Variants in SHTN1 observed in about 807,000 individuals in gnomAD.
SHTN1 encodes shootin-1.
SHTN1 carries 42 observed loss-of-function variants against 83.1 expected under a neutral mutation model. The ratio of observed to expected loss-of-function variants is 0.51; its 90% confidence interval spans 0.39 to 0.65. The LOEUF is 0.65. Among genes scored for constraint, SHTN1 ranks in the 30% least tolerant of loss-of-function variants. The pLI is 0.00. For synonymous variants in SHTN1, 224 were observed against 247.7 expected, an observed-to-expected ratio of 0.90 and a Z score of 0.90; for missense variants, 622 against 737.8, an observed-to-expected ratio of 0.84 and a Z score of 1.82.
chr10:117,102,006 G>GAA (rs200023481), intron 1 of SHTN1, among the ~76,000 whole-genome samples: 28 of 98,798 alleles, frequency 2.8e-4, no homozygotes, highest in African/African-American at 9.6e-4. Context: ...TGTGAGGACA[G>GAA]AAAAAAAAAA....
intron 1 of SHTN1, among the ~76,000 whole-genome samples, chr10:117,124,630 G>A (rs546000334): frequency 9.2e-5 from 14 of 152,158 alleles, no homozygotes; most frequent in African/African-American, 3.4e-4. Context: ...AGAATTAGCC[G>A]AGCGTGGTGG....
At chr10:116,927,662 C>T in intron 11 of SHTN1, 130 bp downstream of exon 11, 1 of 1,273,102 alleles carries the variant, frequency 7.9e-7, no homozygotes, top group South Asian at 1.9e-5. Context: ...AACCATATCA[C>T]TGGCCTTTAG....
chr10:116,986,792 G>T (rs924531460), intron 1 of SHTN1, among the ~76,000 whole-genome samples: 1 of 141,336 alleles, frequency 7.1e-6, no homozygotes, highest in Non-Finnish European at 1.5e-5. Context: ...AGTGCAGTGC[G>T]ATCTCGGCTC....
chr10:116,954,123 T>A lies in SHTN1; in HGVS notation c.355A>T (p.Ile119Phe). The A allele has an allele frequency of 6.2e-7, 1 of 1,613,986 alleles. No individual in the cohort carries two copies. Among genetic ancestry groups the A allele is most frequent in the Non-Finnish European group, 8.5e-7 (1 of 1,179,890 alleles). ...GPDVITEEIN[I>F]DDEDSTTDTD... ...TCTGTAGTCGAATCTTCATCATCAATGTTTATCTCTTCAGTTATTACATCT... is the reference window on the plus strand; with the variant it reads ...TCTGTAGTCGAATCTTCATCATCAAAGTTTATCTCTTCAGTTATTACATCT... Residue 119 changes from isoleucine to phenylalanine, a missense_variant, in exon 5 of 17, where the codon ATT becomes TTT. This residue lies in a region of SHTN1 where 383 missense variants were observed against 455.8 expected (regional missense o/e 0.84). Coordinates refer to ENST00000355371, the MANE Select transcript of SHTN1 (RefSeq NM_001127211.3).
In SHTN1 at chr10:116,940,487, C is replaced by T. The variant is rs765151349; in HGVS notation, c.837G>A (p.Glu279=). The part of the protein sequence containing the change: ...NAKLTQQLEE[E]RIQHQQKVKE... ...TTACCTTTTGTTGATGCTGAATTCTCTCTTCTTCAAGTTGCTGGGTGAGTT... is the reference window on the plus strand; with the variant it reads ...TTACCTTTTGTTGATGCTGAATTCTTTCTTCTTCAAGTTGCTGGGTGAGTT... The change falls in exon 9 of 17, where the codon GAG becomes GAA. Residue 279 remains glutamate, a synonymous_variant. Transcript: ENST00000355371. The T allele has an allele frequency of 6.2e-7, 1 of 1,613,676 alleles. No homozygotes were observed. The highest frequency in any genetic ancestry group is 1.3e-5 in the African/African-American group (1 of 74,900).
chr10:116,994,456 G>C (rs763396135), intron 1 of SHTN1, among the ~76,000 whole-genome samples: 28 of 151,944 alleles, frequency 1.8e-4, no homozygotes, highest in Non-Finnish European at 2.8e-4. Flanking sequence ...CTATAGTATT[G>C]ACAAGAGAAA....
At chr10:116,938,170 T>C (rs1849241287) in intron 9 of SHTN1, among the ~76,000 whole-genome samples, 1 of 152,040 alleles carries the variant, frequency 6.6e-6, no homozygotes, top group South Asian at 2.1e-4. Context: ...TTCTGTCAAT[T>C]TGTCAAACTC....
At chr10:117,011,452 A>G (rs1387909700) in intron 2 of SHTN1, among the ~76,000 whole-genome samples, 1 of 152,142 alleles carries the variant, frequency 6.6e-6, no homozygotes, top group Non-Finnish European at 1.5e-5. Flanking sequence ...TCTATTAGTC[A>G]ATATGTCTGT....
At chr10:116,886,727 G>A (rs1200922710) in intron 16 of SHTN1, among the ~76,000 whole-genome samples, 161 bp from the exon 17 acceptor site, 1 of 152,170 alleles carries the variant, frequency 6.6e-6, no homozygotes, top group African/African-American at 2.4e-5. Context: ...AAGAAAAAAT[G>A]AAGCTATCAG....
intron 7 of SHTN1, among the ~76,000 whole-genome samples, chr10:116,948,615 A>T (rs1849669188): frequency 6.6e-6 from 1 of 152,158 alleles, no homozygotes; most frequent in Admixed American, 6.5e-5. Flanking sequence ...ATAAATGCTG[A>T]GGGGAGAGCT....
At chr10:116,936,419 G>C (rs956069616) in intron 9 of SHTN1, among the ~76,000 whole-genome samples, 2 of 151,952 alleles carry the variant, frequency 1.3e-5, no homozygotes, top group African/African-American at 4.8e-5. Flanking sequence ...CCTTAATTTC[G>C]TTATTTACTC....
chr10:116,921,362 A>ACTTAACAAATATGTGAATTGCCC, intron 12 of SHTN1, 72 bp downstream of exon 12: 1 of 1,076,400 alleles, frequency 9.3e-7, no homozygotes, highest in Non-Finnish European at 1.4e-6. Context: ...TAGTCAAAGA[A>ACTTAACAAATATGTGAATTGCCC]CTTAACAAAT....
At chr10:116,993,516 T>C (rs1422887519) in intron 1 of SHTN1, among the ~76,000 whole-genome samples, 1 of 152,176 alleles carries the variant, frequency 6.6e-6, no homozygotes, top group Non-Finnish European at 1.5e-5. Flanking sequence ...AGTGTTAGTT[T>C]AGTAAAAACA....
rs1849890784 is a variant in SHTN1, at chr10:116,954,145, A to C, written c.333T>G (p.Asp111Glu). 6.2e-7 allele frequency: 1 copy of C among 1,613,622 alleles called. No homozygotes were observed. The highest frequency in any genetic ancestry group is 1.6e-4 in the Middle Eastern group (1 of 6,084). ...CAATGTTTATCTCTTCAGTTATTACATCTGGTCCCAGCTTGGCCATGTACA... is the reference window on the plus strand; with the variant it reads ...CAATGTTTATCTCTTCAGTTATTACCTCTGGTCCCAGCTTGGCCATGTACA... ...SMLYMAKLGP[D>E]VITEEINIDD... The change falls in exon 5 of 17, where the codon GAT becomes GAG. Residue 111 changes from aspartate to glutamate, a missense_variant. Asp to Glu is a conservative substitution (Grantham distance 45, BLOSUM62 2). Coordinates refer to ENST00000355371, the MANE Select transcript of SHTN1 (RefSeq NM_001127211.3).
In SHTN1 at chr10:116,973,739, A is replaced by G. The variant is rs116801784; in HGVS notation, c.112-5027T>C. The G allele has an allele frequency of 1.5e-3, 739 of 493,050 alleles. 4 individuals carry two copies. Among genetic ancestry groups the G allele is most frequent in the Middle Eastern group, 6.2e-3 (18 of 2,908 alleles). The allele number at this position is 493,050 out of a possible 1,614,324, so 30.5% of individuals were successfully genotyped here. ...GTACAGCAGAGCCTACAACGCCACT[A>G]AGTCTGAAGAAGTTTAATGCTACAC... On this transcript the variant is annotated intron_variant, in intron 2 of 16. Transcript: ENST00000355371.
intron 7 of SHTN1, 85 bp downstream of exon 7, chr10:116,948,831 A>G: frequency 1.2e-6 from 1 of 843,976 alleles, no homozygotes; most frequent in Non-Finnish European, 1.7e-6. Context: ...AGTCATATTT[A>G]GGCACAGGTG....
chr10:117,003,545 G>A (rs1359694753), intron 1 of SHTN1, among the ~76,000 whole-genome samples: 1 of 151,836 alleles, frequency 6.6e-6, no homozygotes, highest in African/African-American at 2.4e-5. Context: ...TGGCTTCAGA[G>A]GAATCCGGGA....
intron 1 of SHTN1, among the ~76,000 whole-genome samples, chr10:117,117,325 A>G (rs560081395): frequency 6.6e-6 from 1 of 152,320 alleles, no homozygotes; most frequent in South Asian, 2.1e-4. Context: ...CAAAGAACAT[A>G]AAATACTTAG....
At chr10:116,992,756 TG>T (rs916160997) in intron 1 of SHTN1, among the ~76,000 whole-genome samples, 1 of 152,168 alleles carries the variant, frequency 6.6e-6, no homozygotes, top group Non-Finnish European at 1.5e-5. Flanking sequence ...GGAGGAAACC[TG>T]ATAATGAGAT....
Sources: gnomAD v4.1 joint callset for allele counts (sites outside exome capture counted in the v4.1 genomes callset) on GRCh38, gnomAD v4.1.1 for gene constraint, gnomAD v4.1.1 regional missense constraint, MANE v1.5 for transcripts, NCBI Gene and HGNC (gene_info 2026-07-23, HGNC 2026-07-21) for gene names.